Variants in EMC8 observed in about 807,000 individuals in gnomAD.
EMC8 encodes COX4 neighbor.
In EMC8, 11 loss-of-function variants were observed where a neutral mutation model predicts 24.3. That is an observed-to-expected ratio of 0.45 (90% confidence interval 0.28 to 0.75). The LOEUF (loss-of-function observed/expected upper bound fraction) is 0.75. Among genes scored for constraint, EMC8 ranks in the 30% least tolerant of loss-of-function variants. The pLI, the probability that EMC8 is intolerant of heterozygous loss-of-function variation, is 0.12. For synonymous variants in EMC8, 145 were observed against 117.7 expected, an observed-to-expected ratio of 1.23 and a Z score of -1.50; for missense variants, 277 against 282.7, an observed-to-expected ratio of 0.98 and a Z score of 0.14.
chr16:85,791,413 C>T (rs959369957), intron 1 of EMC8, among the ~76,000 whole-genome samples: 5 of 152,154 alleles, frequency 3.3e-5, no homozygotes, highest in African/African-American at 1.2e-4. Context: ...CAACCCGTCA[C>T]CTAGGTTTTA....
At chr16:85,779,959 G>T in intron 4 of EMC8, 92 bp from the exon 5 acceptor site, 1 of 1,016,882 alleles carries the variant, frequency 9.8e-7, no homozygotes, top group Non-Finnish European at 1.5e-6. Context: ...CATGCACAGT[G>T]GTATGAACAG....
In EMC8 at chr16:85,779,490, T is replaced by TC; in HGVS notation, c.*217dup. On this transcript the variant is annotated 3_prime_UTR_variant, in exon 5 of 5. Coordinates refer to ENST00000253457, the MANE Select transcript of EMC8 (RefSeq NM_006067.5). Reference sequence around the variant, plus strand: ...TTATAGCAACATACAACTGAGAGAGTCCACAGGGACAGTCAGACGGGATGT... The same window carrying TC: ...TTATAGCAACATACAACTGAGAGAGTCCCACAGGGACAGTCAGACGGGATGT... 1 of 507,348 alleles carries TC rather than the reference T, an allele frequency of 2.0e-6. No individual in the cohort carries two copies. The highest frequency in any genetic ancestry group is 3.6e-6 in the Non-Finnish European group (1 of 280,880). The allele number at this position is 507,348 out of a possible 1,614,324, so 31.4% of individuals were successfully genotyped here.
rs1957071725 is a variant in EMC8 at position 85,779,190 on chromosome 16, A to G, written c.*518T>C. On this transcript the variant is annotated 3_prime_UTR_variant, in exon 5 of 5. Transcript: ENST00000253457. ...TGTTCACAGCCCAGCCTACCTGACC[A>G]CAGAAACACCCACACAGAGCTTCTC... The G allele has an allele frequency of 6.5e-6, 1 of 154,514 alleles. No homozygotes were observed. Among genetic ancestry groups the G allele is most frequent in the African/African-American group, 2.4e-5 (1 of 41,436 alleles). 9.6% of individuals were successfully genotyped at this position (154,514 alleles called of 1,614,324 possible). A position where few individuals can be genotyped will look rare whatever the true frequency, so the allele number is the denominator to read the frequency against.
chr16:85,798,173 G>C (rs888746266), intron 1 of EMC8, among the ~76,000 whole-genome samples: 1 of 140,216 alleles, frequency 7.1e-6, no homozygotes, highest in Non-Finnish European at 1.5e-5. Context: ...CCAGGCTGGA[G>C]TGCAGTGGCG....
chr16:85,796,267 C>T (rs1009278630), intron 1 of EMC8, among the ~76,000 whole-genome samples: 3 of 152,142 alleles, frequency 2.0e-5, no homozygotes, highest in African/African-American at 7.2e-5. Context: ...AGTGCACCAT[C>T]GTCCCAGCGC....
chr16:85,790,603 A>T (rs1236845165), intron 1 of EMC8, among the ~76,000 whole-genome samples: 1 of 152,180 alleles, frequency 6.6e-6, no homozygotes, highest in African/African-American at 2.4e-5. Context: ...AAATTTGGTC[A>T]AGTTCCCTGA....
At chr16:85,792,659 T>C (rs991598348) in intron 1 of EMC8, 4 of 152,180 alleles carry the variant, frequency 2.6e-5, no homozygotes, top group African/African-American at 9.7e-5. Context: ...GGTGTAGGTG[T>C]GGGTGTGGCA....
chr16:85,788,769 G>A (rs1904870276), intron 2 of EMC8: 1 of 586,840 alleles, frequency 1.7e-6, no homozygotes, highest in African/African-American at 1.9e-5. Context: ...ACACAAAACA[G>A]AATTCCAAAG....
chr16:85,782,818 C>T (rs140367319), intron 2 of EMC8, among the ~76,000 whole-genome samples: 25 of 152,314 alleles, frequency 1.6e-4, no homozygotes, highest in African/African-American at 5.5e-4. Context: ...CCAGCCTCTC[C>T]GACCTGAGGC....
At chr16:85,783,583 T>C (rs1203214955) in intron 2 of EMC8, among the ~76,000 whole-genome samples, 3 of 152,206 alleles carry the variant, frequency 2.0e-5, no homozygotes, top group African/African-American at 7.2e-5. Flanking sequence ...GCCTGCAAGA[T>C]GAAGGCTGCT....
At chr16:85,788,288 C>T (rs1395250630) in intron 2 of EMC8, among the ~76,000 whole-genome samples, 1 of 152,276 alleles carries the variant, frequency 6.6e-6, no homozygotes, top group Non-Finnish European at 1.5e-5. Context: ...CCAGCTCCTT[C>T]CTCCCCACCC....
Position 85,799,367 on chromosome 16 carries a change from C to T in EMC8, c.-72G>A, listed in dbSNP as rs1597212676. 1 of 980,004 alleles carries T rather than the reference C, an allele frequency of 1.0e-6. No homozygotes were observed. Among genetic ancestry groups the T allele is most frequent in the East Asian group, 3.2e-5 (1 of 30,996 alleles). The allele number at this position is 980,004 out of a possible 1,614,324, so 60.7% of individuals were successfully genotyped here. On this transcript the variant is annotated 5_prime_UTR_variant, in exon 1 of 5. Coordinates refer to ENST00000253457, the MANE Select transcript of EMC8 (RefSeq NM_006067.5). The surrounding 1 kb of genome is among the most constrained non-coding windows in gnomAD (Gnocchi z 4.2). ...CTGGACCCGCTGCCTGGCCGCGCGGCGCCTCAGCCGAGAAGCGGGACGAGG... is the reference window on the plus strand; with the variant it reads ...CTGGACCCGCTGCCTGGCCGCGCGGTGCCTCAGCCGAGAAGCGGGACGAGG...
intron 2 of EMC8, among the ~76,000 whole-genome samples, chr16:85,787,290 C>T (rs537640631): frequency 3.3e-5 from 5 of 152,296 alleles, no homozygotes; most frequent in South Asian, 4.1e-4. Flanking sequence ...TGCTCACTCT[C>T]GAGGGCCTGG....
intron 3 of EMC8, chr16:85,780,953 T>C (rs567590059): frequency 2.6e-5 from 14 of 534,376 alleles, no homozygotes; most frequent in South Asian, 2.6e-4. Flanking sequence ...TGCCTGGGAA[T>C]TCGCATTTCT....
In EMC8 at chr16:85,799,352, TG is replaced by T; in HGVS notation, c.-58del. On this transcript the variant is annotated 5_prime_UTR_variant, in exon 1 of 5. Coordinates refer to ENST00000253457, the MANE Select transcript of EMC8 (RefSeq NM_006067.5). This position sits in a 1 kb window ranked among gnomAD's most constrained non-coding sequence, Gnocchi z 4.2. ...GCGCGCGGCTGAGGCCTGGACCCGC[TG>T]CCTGGCCGCGCGGCGCCTCAGCCGA... 8.9e-7 allele frequency: 1 copy of T among 1,124,142 alleles called. No individual in the cohort carries two copies. The highest frequency in any genetic ancestry group is 1.2e-6 in the Non-Finnish European group (1 of 832,702). 69.6% of individuals were successfully genotyped at this position (1,124,142 alleles called of 1,614,324 possible).
At chr16:85,797,682 A>G (rs1905294719) in intron 1 of EMC8, among the ~76,000 whole-genome samples, 1 of 152,188 alleles carries the variant, frequency 6.6e-6, no homozygotes, top group Non-Finnish European at 1.5e-5. Flanking sequence ...TGTCATAATT[A>G]GTTAAGTTAT....
Position 85,779,834 on chromosome 16 carries a change from C to A in EMC8, c.507G>T (p.Arg169Ser). The A allele has an allele frequency of 6.2e-7, 1 of 1,614,086 alleles. No individual in the cohort carries two copies. The highest frequency in any genetic ancestry group is 8.5e-7 in the Non-Finnish European group (1 of 1,179,984). The change falls in exon 5 of 5, where the codon AGG becomes AGT. Residue 169 changes from arginine (R) to serine (S), a missense_variant. Physicochemically the swap from Arg to Ser is moderately radical, Grantham distance 110. Transcript: ENST00000253457. Reference protein sequence around the residue: ...DYCEDWPEAQRISASLLDSRS... With the variant: ...DYCEDWPEAQSISASLLDSRS... ...GGCTGTCCAGGAGCGAGGCTGAGAT[C>A]CTCTGTGCCTCTGGCCAGTCTTCAC...
At chr16:85,791,225 C>T (rs548344348) in intron 1 of EMC8, among the ~76,000 whole-genome samples, 3 of 152,172 alleles carry the variant, frequency 2.0e-5, no homozygotes, top group African/African-American at 2.4e-5. Flanking sequence ...TTAATGCATA[C>T]ATTTTTTGGA....
rs540721300 is a variant in EMC8, at chr16:85,785,528, C to A, written c.308+3446G>T. On this transcript the variant is annotated intron_variant, in intron 2 of 4. Transcript: ENST00000253457. ...GAGGTTGCATTGAGGCGAGATCGTG[C>A]CACTGCACTCCAGCCTGGGTGACAG... 2.0e-5 allele frequency among the ~76,000 whole-genome samples: 3 copies of A among 152,302 alleles called. No homozygotes were observed. The South Asian group carries it at 6.2e-4, about 32-fold the overall frequency.
Sources: allele counts gnomAD v4.1 joint callset (sites outside exome capture counted in the v4.1 genomes callset), GRCh38; gene constraint gnomAD v4.1.1; non-coding constraint Gnocchi (gnomAD v3.1); transcripts MANE v1.5; gene names NCBI Gene and HGNC (gene_info 2026-07-23, HGNC 2026-07-21).